The following ANKMY1 variants were observed in gnomAD, a reference collection of about 807,000 sequenced individuals.
ANKMY1 encodes ankyrin repeat and MYND domain containing 1.
ANKMY1 carries 98 observed loss-of-function variants against 102.0 expected under a neutral mutation model. That is an observed-to-expected ratio of 0.96 (90% CI 0.82 to 1.14). The LOEUF (loss-of-function observed/expected upper bound fraction) is 1.14, where lower values mean the gene tolerates loss of function less well. ANKMY1 is among the 50% of genes most tolerant of loss of function. ANKMY1 has a pLI of 0.00. For missense variants in ANKMY1, 1,330 were observed against 1,347.6 expected (o/e 0.99, Z 0.20); for synonymous variants, 582 against 559.9 (o/e 1.04, Z -0.56).
chr2:240,535,661 G>A (rs1048744581), intron 4 of ANKMY1, among the ~76,000 whole-genome samples: 1 of 152,292 alleles, frequency 6.6e-6, no homozygotes, highest in Non-Finnish European at 1.5e-5. Flanking sequence ...AGTAAGTCAT[G>A]ATATATAGGG....
intron 4 of ANKMY1, among the ~76,000 whole-genome samples, chr2:240,537,009 G>A (rs2086937826): frequency 6.6e-6 from 1 of 151,996 alleles, no homozygotes; most frequent in South Asian, 2.1e-4. Flanking sequence ...ACAGTCGTGA[G>A]CCACCGTACC....
At chr2:240,475,774 T>G (rs943178142), downstream of ANKMY1, among the ~76,000 whole-genome samples, 12 of 151,878 alleles carry the variant, frequency 7.9e-5, no homozygotes. Context: ...TTAGAATATA[T>G]ACTGAATACC....
At chr2:240,469,923 CAT>C in the ANKMY1 span, among the ~76,000 whole-genome samples, 2 of 152,182 alleles carry the variant, frequency 1.3e-5, no homozygotes, top group African/African-American at 4.8e-5. Flanking sequence ...CATGCACTCA[CAT>C]GTACACATGC....
intron 5 of ANKMY1, chr2:240,526,793 C>T (rs7603521): frequency 0.15 from 189,066 of 1,226,124 alleles, 15,363 homozygotes; most frequent in South Asian, 0.26. Context: ...GGATGGAGAC[C>T]AACATACATG....
At position 240,520,545 on chromosome 2, in the gene ANKMY1, G is replaced by A. The variant is rs760759056; in HGVS notation, c.1833-12C>T. 2.5e-6 allele frequency: 4 copies of A among 1,606,550 alleles called. No individual in the cohort carries two copies. The highest frequency in any genetic ancestry group is 1.3e-5 in the African/African-American group (1 of 74,794). On this transcript the variant is annotated splice_polypyrimidine_tract_variant and intron_variant, in intron 8 of 17. Transcript: ENST00000401804. The surrounding 1 kb of genome is among the most constrained non-coding windows in gnomAD (Gnocchi z 4.8). ...AGCGCTTCCTCCGCCTGAAAAAGACGGTGCGCCCGTGGGCCCCTGGAGGGC... is the reference window on the plus strand; with the variant it reads ...AGCGCTTCCTCCGCCTGAAAAAGACAGTGCGCCCGTGGGCCCCTGGAGGGC...
intron 4 of ANKMY1, among the ~76,000 whole-genome samples, chr2:240,537,358 C>T (rs991847096): frequency 6.6e-6 from 1 of 152,186 alleles, no homozygotes; most frequent in Non-Finnish European, 1.5e-5. Context: ...AAAACAATAT[C>T]CAGTCAATAG....
chr2:240,542,666 G>T (rs2152527620), intron 4 of ANKMY1, among the ~76,000 whole-genome samples: 1 of 151,484 alleles, frequency 6.6e-6, no homozygotes, highest in South Asian at 2.1e-4. Context: ...CAAGGTAAGA[G>T]CTATTGAATC....
At chr2:240,556,285 G>A (rs557804557) in intron 2 of ANKMY1, among the ~76,000 whole-genome samples, 10 of 152,306 alleles carry the variant, frequency 6.6e-5, no homozygotes, top group African/African-American at 2.4e-4. Context: ...AGGCCTCTGA[G>A]GAGGAAAGCC....
At chr2:240,526,166 C>T (rs1384245591) in intron 6 of ANKMY1, 63 bp downstream of exon 6, 1 of 1,580,018 alleles carries the variant, frequency 6.3e-7, no homozygotes, top group African/African-American at 1.3e-5. Context: ...AGAGGGCCAC[C>T]CACATGTGTG....
intron 11 of ANKMY1, among the ~76,000 whole-genome samples, chr2:240,511,133 C>G (rs1351676956): frequency 7.2e-5 from 11 of 152,172 alleles, no homozygotes; most frequent in Admixed American, 5.2e-4. Flanking sequence ...TCCCCACCTC[C>G]CTGTCTGCCC....
At chr2:240,560,604 C>T, upstream of ANKMY1, 2 of 1,351,212 alleles carry the variant, frequency 1.5e-6, no homozygotes, top group Middle Eastern at 2.6e-4. Context: ...CGCCCGGCTC[C>T]CACAAATAGA....
intron 15 of ANKMY1, among the ~76,000 whole-genome samples, chr2:240,485,768 A>AT (rs1370191364): frequency 1.3e-5 from 2 of 151,912 alleles, no homozygotes; most frequent in Admixed American, 1.3e-4. Flanking sequence ...TTTAAAAAAA[A>AT]TTTTTGTAGA....
At chr2:240,530,255 G>T (rs928520027) in intron 4 of ANKMY1, among the ~76,000 whole-genome samples, 1 of 152,168 alleles carries the variant, frequency 6.6e-6, no homozygotes, top group East Asian at 1.9e-4. Context: ...GCATCTTCCT[G>T]AGATGGCATT....
chr2:240,552,738 A>G (rs566602954), intron 4 of ANKMY1, 176 bp downstream of exon 4: 1 of 972,920 alleles, frequency 1.0e-6, no homozygotes, highest in African/African-American at 1.6e-5. Context: ...AAATGCAAGG[A>G]GGCTTTTATT....
chr2:240,557,144 G>A (rs899472973), intron 2 of ANKMY1, 46 bp downstream of exon 2: 1 of 1,398,100 alleles, frequency 7.2e-7, no homozygotes, highest in Admixed American at 2.8e-5. Context: ...GCTAACCCTG[G>A]GCCCCAGGTC....
At chr2:240,557,854 C>T (rs761549945) in intron 1 of ANKMY1, 27 bp downstream of exon 1, 125 of 984,832 alleles carry the variant, frequency 1.3e-4, no homozygotes, top group Admixed American at 2.5e-4. Flanking sequence ...AGCCCCGGCT[C>T]CCAGCGCTCC....
chr2:240,526,631 C>T (rs1356928428), intron 5 of ANKMY1, 186 bp from the exon 6 acceptor site: 12 of 1,444,788 alleles, frequency 8.3e-6, no homozygotes, highest in East Asian at 5.0e-5. Flanking sequence ...CTAGGTTGCA[C>T]ACGGTGGTGC....
chr2:240,495,533 C>A (rs926555848), intron 15 of ANKMY1, among the ~76,000 whole-genome samples: 1 of 152,208 alleles, frequency 6.6e-6, no homozygotes, highest in African/African-American at 2.4e-5. Context: ...CTCTCCACCT[C>A]GGCTGCCAAA....
chr2:240,521,248 G>A (rs1190641893), intron 8 of ANKMY1, among the ~76,000 whole-genome samples: 2 of 152,116 alleles, frequency 1.3e-5, no homozygotes, highest in South Asian at 2.1e-4. Flanking sequence ...TCGGAGCCGC[G>A]GGAACTAGAT....
Sources: allele counts gnomAD v4.1 joint callset (sites outside exome capture counted in the v4.1 genomes callset), GRCh38; gene constraint gnomAD v4.1.1; non-coding constraint Gnocchi (gnomAD v3.1); transcripts MANE v1.5; gene names NCBI Gene and HGNC (gene_info 2026-07-23, HGNC 2026-07-21).